Variants in DCHS2 observed in about 807,000 individuals in gnomAD.
The protein encoded by DCHS2 is protocadherin-23.
DCHS2 carries 142 observed loss-of-function variants against 182.4 expected under a neutral mutation model. That is an observed-to-expected ratio of 0.78 (90% confidence interval 0.68 to 0.89). DCHS2 has a LOEUF of 0.89. Ranked by LOEUF, DCHS2 falls within the 40% of genes least tolerant of loss-of-function variation. DCHS2 has a pLI of 0.00. For missense variants in DCHS2, 4,319 were observed against 4,198.6 expected (o/e 1.03, Z -0.79); for synonymous variants, 1,740 against 1,663.3 (o/e 1.05, Z -1.12).
At chr4:154,455,685 A>C (rs2110985918) in intron 1 of DCHS2, among the ~76,000 whole-genome samples, 1 of 152,362 alleles carries the variant, frequency 6.6e-6, no homozygotes, top group East Asian at 1.9e-4. Context: ...AATGCCATGC[A>C]GCAATTTTCT....
In DCHS2 at chr4:154,490,560, T is replaced by C; in HGVS notation, c.796A>G (p.Ile266Val). 6.5e-7 allele frequency: 1 copy of C among 1,541,842 alleles called. No homozygotes were observed. Among genetic ancestry groups the C allele is most frequent in the African/African-American group, 1.4e-5 (1 of 73,112 alleles). Residue 266 changes from isoleucine to valine, a missense_variant, in exon 1 of 20, where the codon ATC (isoleucine) becomes GTC (valine). Physicochemically the swap from Ile to Val is conservative, Grantham distance 29. Transcript: ENST00000357232. ...GGTCGGCCGCCGTCCCATGCCTCGA[T>C]CTGCAGCCGGTGCGCCGCCGCCTCC... ...REEAAAHRLQ[I>V]EAWDGGRPRR...
intron 13 of DCHS2, among the ~76,000 whole-genome samples, chr4:154,284,730 C>T (rs1170886623): frequency 2.0e-5 from 3 of 152,188 alleles, no homozygotes; most frequent in Non-Finnish European, 2.9e-5. Context: ...AATCTCCTGT[C>T]TCAGCAGTTG....
intron 13 of DCHS2, among the ~76,000 whole-genome samples, chr4:154,288,318 A>T (rs1426749356): frequency 6.6e-6 from 1 of 152,206 alleles, no homozygotes; most frequent in Non-Finnish European, 1.5e-5. Flanking sequence ...AAAACTATAT[A>T]GACAAGGAAG....
Position 154,332,884 on chromosome 4 carries a change from C to G in DCHS2, c.3324G>C (p.Ala1108=). 1.9e-6 allele frequency: 3 copies of G among 1,614,230 alleles called. No homozygotes were observed. The highest frequency in any genetic ancestry group is 2.5e-6 in the Non-Finnish European group (3 of 1,180,050). The change falls in exon 5 of 20, where the codon GCG becomes GCC. Residue 1108 remains alanine, a synonymous_variant. Coordinates refer to ENST00000357232, the MANE Select transcript of DCHS2 (RefSeq NM_001358235.2). ...SPMTQMLQTQ[A]HPLGPQRAAS... ...CTGCACGCTGGGGGCCAAGTGGGTG[C>G]GCCTGTGTTTGCAGCATTTGTGTCA...
chr4:154,428,697 T>A (rs1209976368), intron 1 of DCHS2, among the ~76,000 whole-genome samples: 1 of 151,654 alleles, frequency 6.6e-6, no homozygotes, highest in Non-Finnish European at 1.5e-5. Context: ...GGTCAGTAGT[T>A]CAAGACCAGC....
At chr4:154,262,365 C>T (rs949162440) in intron 14 of DCHS2, among the ~76,000 whole-genome samples, 1 of 152,156 alleles carries the variant, frequency 6.6e-6, no homozygotes, top group African/African-American at 2.4e-5. Flanking sequence ...TTGGATAATA[C>T]ATGGGTAGTT....
intron 1 of DCHS2, among the ~76,000 whole-genome samples, chr4:154,440,572 C>T (rs927535342): frequency 6.6e-6 from 1 of 152,094 alleles, no homozygotes; most frequent in Non-Finnish European, 1.5e-5. Flanking sequence ...GGGCCAAAAA[C>T]CATTGTCATA....
intron 13 of DCHS2, among the ~76,000 whole-genome samples, chr4:154,270,925 C>T (rs558212526): frequency 1.3e-5 from 2 of 152,160 alleles, no homozygotes; most frequent in Admixed American, 6.6e-5. Context: ...AACTGCAAGA[C>T]ATGAATTAAT....
rs1731346067 is a variant in DCHS2 at position 154,234,504 on chromosome 4, A to G, written c.*32T>C. On this transcript the variant is annotated 3_prime_UTR_variant, in exon 20 of 20. Coordinates refer to ENST00000357232, the MANE Select transcript of DCHS2 (RefSeq NM_001358235.2). Reference sequence around the variant, plus strand: ...CATTTTGTTCATTCATTCATGACCAATGGTGAGCAGGTACTTGGCATCCCA... The same window carrying G: ...CATTTTGTTCATTCATTCATGACCAGTGGTGAGCAGGTACTTGGCATCCCA... 1 of 1,564,612 alleles carries G rather than the reference A, an allele frequency of 6.4e-7. No individual in the cohort carries two copies. The highest frequency in any genetic ancestry group is 8.7e-7 in the Non-Finnish European group (1 of 1,154,662).
intron 13 of DCHS2, among the ~76,000 whole-genome samples, chr4:154,286,224 C>A (rs1221749033): frequency 6.6e-6 from 1 of 151,942 alleles, no homozygotes; most frequent in Non-Finnish European, 1.5e-5. Context: ...GAAAGTCTTG[C>A]CAAGAAGAAG....
intron 1 of DCHS2, among the ~76,000 whole-genome samples, chr4:154,472,305 T>C (rs1015514957): frequency 6.6e-6 from 1 of 152,242 alleles, no homozygotes; most frequent in Non-Finnish European, 1.5e-5. Flanking sequence ...GTAATCTTGG[T>C]TCCAATTGTT....
At chr4:154,357,237 G>A (rs1579003503) in intron 3 of DCHS2, 14 of 1,611,836 alleles carry the variant, frequency 8.7e-6, no homozygotes, top group Non-Finnish European at 1.2e-5. Context: ...CCTTAGCAGA[G>A]GTAAAAACAT....
chr4:154,364,848 A>C (rs1044293407), intron 3 of DCHS2, among the ~76,000 whole-genome samples: 12 of 152,354 alleles, frequency 7.9e-5, no homozygotes, highest in African/African-American at 2.9e-4. Flanking sequence ...CATTACCATT[A>C]CAATAGAAAC....
At chr4:154,456,403 A>C (rs1734768393) in intron 1 of DCHS2, among the ~76,000 whole-genome samples, 1 of 152,210 alleles carries the variant, frequency 6.6e-6, no homozygotes, top group South Asian at 2.1e-4. Context: ...GTCCTCCAGG[A>C]ATCTGCAGTC....
At chr4:154,285,555 G>A (rs1378248374) in intron 13 of DCHS2, among the ~76,000 whole-genome samples, 1 of 152,188 alleles carries the variant, frequency 6.6e-6, no homozygotes, top group African/African-American at 2.4e-5. Flanking sequence ...GCTGAGTAAA[G>A]ATTCCTTTGG....
At chr4:154,343,566 C>G (rs1429320085) in intron 3 of DCHS2, 2 of 1,526,968 alleles carry the variant, frequency 1.3e-6, no homozygotes, top group Admixed American at 4.0e-5. Flanking sequence ...ATGGAGATGG[C>G]GTCTTCCCTT....
chr4:154,446,225 G>A (rs1179090734), intron 1 of DCHS2, among the ~76,000 whole-genome samples: 1 of 152,180 alleles, frequency 6.6e-6, no homozygotes, highest in African/African-American at 2.4e-5. Flanking sequence ...AGGTTAAAGA[G>A]GTTGCCTTTA....
intron 5 of DCHS2, chr4:154,331,786 G>A: frequency 1.4e-6 from 2 of 1,478,134 alleles, no homozygotes; most frequent in Non-Finnish European, 1.8e-6. Flanking sequence ...AGCTATCTGA[G>A]TTTCAGTTTT....
chr4:154,308,726 T>C (rs1167983892), intron 10 of DCHS2, among the ~76,000 whole-genome samples: 1 of 152,178 alleles, frequency 6.6e-6, no homozygotes, highest in Non-Finnish European at 1.5e-5. Context: ...TGTATTAACA[T>C]ATATAAAGAG....
Sources: gnomAD v4.1 joint callset for allele counts (sites outside exome capture counted in the v4.1 genomes callset) on GRCh38, gnomAD v4.1.1 for gene constraint, MANE v1.5 for transcripts, NCBI Gene and HGNC (gene_info 2026-07-23, HGNC 2026-07-21) for gene names.